The following MTMR10 variants were observed in gnomAD, a reference collection of about 807,000 sequenced individuals.
The protein encoded by MTMR10 is myotubularin-related protein 10.
Under a neutral mutation model 88.1 loss-of-function variants are expected in MTMR10, and 56 were observed. The observed-to-expected ratio is 0.64, with a 90% CI of 0.51 to 0.79. The LOEUF (loss-of-function observed/expected upper bound fraction) is 0.79, where lower values mean the gene tolerates loss of function less well. Ranked by LOEUF, MTMR10 falls within the 30% of genes least tolerant of loss-of-function variation. The pLI is 0.00. For missense variants in MTMR10, 883 were observed against 924.7 expected, an observed-to-expected ratio of 0.95 and a Z score of 0.58; for synonymous variants, 380 against 340.9, an observed-to-expected ratio of 1.11 and a Z score of -1.26.
At chr15:30,955,019 T>G (rs191199408) in intron 9 of MTMR10, 126 bp from the exon 10 acceptor site, 1 of 797,036 alleles carries the variant, frequency 1.3e-6, no homozygotes, top group African/African-American at 1.8e-5. Context: ...TCATGGAGTT[T>G]ACTTTTTTTT....
At chr15:30,964,437 C>G (rs940275758) in intron 6 of MTMR10, among the ~76,000 whole-genome samples, 5 of 152,180 alleles carry the variant, frequency 3.3e-5, no homozygotes, top group African/African-American at 1.2e-4. Context: ...ATTTTCTAAG[C>G]ATAAAGTGAG....
chr15:30,941,440 T>G lies in MTMR10; in HGVS notation c.*30A>C. 1 of 1,574,156 alleles carries G rather than the reference T, an allele frequency of 6.4e-7. No homozygotes were observed. The highest frequency in any genetic ancestry group is 8.6e-7 in the Non-Finnish European group (1 of 1,162,160). The stretch of plus-strand genomic sequence containing the variant: ...ATTCAGAGGAAAAAAGTTGACAGCT[T>G]CCCTCAAAATGTTCAGAAAACACCC... On this transcript the variant is annotated 3_prime_UTR_variant, in exon 16 of 16. Coordinates refer to ENST00000435680, the MANE Select transcript of MTMR10 (RefSeq NM_017762.3).
At chr15:30,978,497 A>G (rs1446654888) in intron 2 of MTMR10, among the ~76,000 whole-genome samples, 3 of 152,240 alleles carry the variant, frequency 2.0e-5, no homozygotes, top group African/African-American at 7.2e-5. Flanking sequence ...TAAGCAGCCA[A>G]GCTGGCTGGA....
intron 14 of MTMR10, chr15:30,943,795 ATGGAGCTCCTC>A: frequency 1.0e-6 from 1 of 985,478 alleles, no homozygotes. Context: ...TGAGGAAGAC[ATGGAGCTCCTC>A]TGGAAGGCAG....
At chr15:30,952,083 C>A in intron 11 of MTMR10, 45 bp from the exon 12 acceptor site, 1 of 1,477,120 alleles carries the variant, frequency 6.8e-7, no homozygotes, top group Non-Finnish European at 9.4e-7. Flanking sequence ...CAAATTTCCA[C>A]TACAAATACA....
At position 30,948,452 on chromosome 15, in the gene MTMR10, CAA is replaced by C. The variant is rs764423080; in HGVS notation, c.1225_1226del (p.Leu409GlufsTer17). On this transcript the variant is annotated frameshift_variant, in exon 13 of 16. Transcript: ENST00000435680. LOFTEE classifies it high-confidence loss of function. The part of the protein sequence containing the change: ...VVLQEEEGRD[L>X]SCCVASLVQV... ...GAACAAGAGAAGCTACACAACAGCT[CAA>C]GTCTCTTCCTTCCTCCTCTGTTAAT... 1 of 1,608,612 alleles carries C rather than the reference CAA, an allele frequency of 6.2e-7. No homozygotes were observed. The highest frequency in any genetic ancestry group is 1.7e-5 in the Admixed American group (1 of 59,000).
chr15:30,968,534 A>AACACACAC (rs61503155), intron 5 of MTMR10, among the ~76,000 whole-genome samples: 4,476 of 143,052 alleles, frequency 0.031, 99 homozygotes, highest in Admixed American at 0.041. Flanking sequence ...TCAAAAAAAC[A>AACACACAC]ACACACACAC....
At chr15:30,955,722 A>G (rs1312038511) in intron 9 of MTMR10, among the ~76,000 whole-genome samples, 18 of 152,190 alleles carry the variant, frequency 1.2e-4, no homozygotes. Context: ...ATGTAGACAG[A>G]AGGATGGCAA....
intron 2 of MTMR10, among the ~76,000 whole-genome samples, chr15:30,989,053 A>T (rs2031139195): frequency 6.6e-6 from 1 of 152,082 alleles, no homozygotes; most frequent in Admixed American, 6.5e-5. Flanking sequence ...TGACATTTAC[A>T]GCTAAGACCA....
the MTMR10 span, chr15:30,929,468 CTT>C: frequency 8.2e-7 from 1 of 1,221,758 alleles, no homozygotes; most frequent in Non-Finnish European, 1.1e-6. Context: ...TTTTCAGCAA[CTT>C]TATCAAAATA....
intron 12 of MTMR10, 116 bp downstream of exon 12, chr15:30,951,852 A>T: frequency 1.2e-6 from 1 of 841,538 alleles, no homozygotes. Flanking sequence ...ATTTGATGGT[A>T]CTGTAGTAAA....
intron 9 of MTMR10, among the ~76,000 whole-genome samples, chr15:30,955,878 A>G (rs1397728416): frequency 6.6e-6 from 1 of 152,148 alleles, no homozygotes; most frequent in Non-Finnish European, 1.5e-5. Flanking sequence ...ATGGGCTACT[A>G]TAAATATGTG....
intron 3 of MTMR10, among the ~76,000 whole-genome samples, chr15:30,975,516 G>C (rs1379406595): frequency 3.3e-5 from 5 of 152,160 alleles, no homozygotes; most frequent in Non-Finnish European, 7.4e-5. Flanking sequence ...CTGGATTTAA[G>C]CTGTTCCAGG....
chr15:30,957,488 C>T (rs747925314), intron 9 of MTMR10, among the ~76,000 whole-genome samples: 4 of 152,088 alleles, frequency 2.6e-5, no homozygotes, highest in East Asian at 3.9e-4. Context: ...TTCGGTAGGC[C>T]GAGGCGGGTG....
intron 5 of MTMR10, among the ~76,000 whole-genome samples, chr15:30,968,519 G>C (rs2063498130): frequency 7.6e-6 from 1 of 131,624 alleles, no homozygotes; most frequent in African/African-American, 3.2e-5. Flanking sequence ...GCTCAAAGAG[G>C]TACATCAAAA....
chr15:30,929,465 C>A, the MTMR10 span: 2 of 1,232,426 alleles, frequency 1.6e-6, no homozygotes, highest in Non-Finnish European at 2.3e-6. Context: ...GTCTTTTCAG[C>A]AACTTTATCA....
rs577247375 is a variant in MTMR10 at position 30,955,573 on chromosome 15, T to C, written c.936-680A>G. On this transcript the variant is annotated intron_variant, in intron 9 of 15. Transcript: ENST00000435680. Reference sequence around the variant, plus strand: ...GCGTGAGCCACCGCGCCCGGGCTCATTCCCTTATTTCTGATGGGAGAAAAT... The same window carrying C: ...GCGTGAGCCACCGCGCCCGGGCTCACTCCCTTATTTCTGATGGGAGAAAAT... Among the ~76,000 whole-genome samples the C allele has an allele frequency of 1.4e-4, 22 of 152,266 alleles. No individual in the cohort carries two copies. The East Asian group carries it at 4.0e-3, about 28-fold the overall frequency.
Position 30,940,546 on chromosome 15 carries a change from G to A in MTMR10, c.*924C>T, listed in dbSNP as rs910672275. 3.0e-6 allele frequency: 3 copies of A among 985,368 alleles called. No homozygotes were observed. Among genetic ancestry groups the A allele is most frequent in the Admixed American group, 6.2e-5 (1 of 16,258 alleles). The allele number at this position is 985,368 out of a possible 1,614,324, so 61.0% of individuals were successfully genotyped here. ...GTTTACCACACTGGAAATACTGATG[G>A]CCAAGCCCAGCACGCCTCCCAGCAA... On this transcript the variant is annotated 3_prime_UTR_variant, in exon 16 of 16. Transcript: ENST00000435680.
At chr15:30,963,627 A>G (rs969124906) in intron 6 of MTMR10, among the ~76,000 whole-genome samples, 1 of 152,202 alleles carries the variant, frequency 6.6e-6, no homozygotes, top group African/African-American at 2.4e-5. Flanking sequence ...ACACAGCGAG[A>G]CTCTGTCTCA....
Sources: allele counts gnomAD v4.1 joint callset (sites outside exome capture counted in the v4.1 genomes callset), GRCh38; gene constraint gnomAD v4.1.1; transcripts MANE v1.5; gene names NCBI Gene and HGNC (gene_info 2026-07-23, HGNC 2026-07-21).